Variants in PCOLCE2 observed in about 807,000 individuals in gnomAD.
The protein encoded by PCOLCE2 is procollagen C-proteinase enhancer 2.
PCOLCE2 carries 42 observed loss-of-function variants against 47.0 expected under a neutral mutation model. The ratio of observed to expected loss-of-function variants is 0.89; its 90% CI spans 0.70 to 1.16. The LOEUF is 1.16. Among genes scored for constraint, PCOLCE2 ranks in the 50% most tolerant of loss-of-function variants. PCOLCE2 has a pLI of 0.00. For synonymous variants in PCOLCE2, 169 were observed against 191.7 expected, an observed-to-expected ratio of 0.88 and a Z score of 0.98; for missense variants, 500 against 526.1, an observed-to-expected ratio of 0.95 and a Z score of 0.49.
chr3:142,855,586 C>T (rs911038457), intron 2 of PCOLCE2, among the ~76,000 whole-genome samples: 1 of 152,118 alleles, frequency 6.6e-6, no homozygotes, highest in Non-Finnish European at 1.5e-5. Flanking sequence ...TGCTCCCAAA[C>T]CTTGTTTCTT....
At chr3:142,880,106 A>G (rs1933583010) in intron 2 of PCOLCE2, among the ~76,000 whole-genome samples, 3 of 151,416 alleles carry the variant, frequency 2.0e-5, no homozygotes, top group Non-Finnish European at 4.4e-5. Flanking sequence ...TTGGATATGC[A>G]AACATTTTCT....
At chr3:142,826,416 A>G (rs1236366802) in intron 6 of PCOLCE2, among the ~76,000 whole-genome samples, 1 of 152,104 alleles carries the variant, frequency 6.6e-6, no homozygotes, top group African/African-American at 2.4e-5. Context: ...TCCTCCTCTG[A>G]GAGAGGGGTC....
At chr3:142,867,628 C>T (rs115456003) in intron 2 of PCOLCE2, among the ~76,000 whole-genome samples, 1 of 151,904 alleles carries the variant, frequency 6.6e-6, no homozygotes, top group Non-Finnish European at 1.5e-5. Flanking sequence ...ATCTTATTAG[C>T]CATCAGGGAA....
intron 3 of PCOLCE2, chr3:142,846,756 A>C (rs946314963): frequency 1.2e-4 from 19 of 152,162 alleles, no homozygotes; most frequent in Non-Finnish European, 2.6e-4. Context: ...TGAGTACAAT[A>C]GGTAAATTTT....
intron 3 of PCOLCE2, among the ~76,000 whole-genome samples, chr3:142,847,277 G>A (rs991745484): frequency 6.6e-5 from 10 of 152,062 alleles, no homozygotes; most frequent in Admixed American, 5.2e-4. Flanking sequence ...GATTTTATAC[G>A]AATATTTTGT....
intron 2 of PCOLCE2, among the ~76,000 whole-genome samples, chr3:142,874,793 G>A (rs1268549960): frequency 6.6e-6 from 1 of 152,134 alleles, no homozygotes; most frequent in Non-Finnish European, 1.5e-5. Flanking sequence ...TAGTAGGGAA[G>A]GCAGATTAAT....
intron 3 of PCOLCE2, among the ~76,000 whole-genome samples, chr3:142,843,481 G>GAT (rs1006051480): frequency 1.0e-4 from 15 of 150,260 alleles, no homozygotes; most frequent in Admixed American, 2.0e-4. Flanking sequence ...AACTTCCCAT[G>GAT]ATATATATAT....
intron 2 of PCOLCE2, among the ~76,000 whole-genome samples, chr3:142,879,709 C>T (rs1933565075): frequency 6.6e-6 from 1 of 152,316 alleles, no homozygotes; most frequent in South Asian, 2.1e-4. Flanking sequence ...GTGGCTCACG[C>T]CTATAATCCC....
chr3:142,819,332 T>C (rs1018900117), intron 8 of PCOLCE2, among the ~76,000 whole-genome samples: 4 of 152,204 alleles, frequency 2.6e-5, no homozygotes, highest in African/African-American at 9.6e-5. Context: ...TTAGTTCCCC[T>C]TTCCCCTGGT....
In PCOLCE2 at chr3:142,842,899, T is replaced by C; in HGVS notation, c.573+25A>G. On this transcript the variant is annotated intron_variant, in intron 4 of 8. Transcript: ENST00000295992. This position sits in a 1 kb window ranked among gnomAD's most constrained non-coding sequence, Gnocchi z 4.1. The stretch of plus-strand genomic sequence containing the variant: ...CTGGGCAATTCACACATGCATGCTT[T>C]CTTCACACTTCCAGGGAATCTCACC... 6.2e-7 allele frequency: 1 copy of C among 1,613,346 alleles called. No homozygotes were observed. Among genetic ancestry groups the C allele is most frequent in the Non-Finnish European group, 8.5e-7 (1 of 1,179,512 alleles).
intron 5 of PCOLCE2, among the ~76,000 whole-genome samples, chr3:142,838,012 G>A (rs539916718): frequency 4.6e-5 from 7 of 152,292 alleles, no homozygotes; most frequent in African/African-American, 1.7e-4. Flanking sequence ...TCCTTGTCTG[G>A]ATCCCCAGTA....
At chr3:142,878,727 T>C (rs543188615) in intron 2 of PCOLCE2, among the ~76,000 whole-genome samples, 1 of 152,222 alleles carries the variant, frequency 6.6e-6, no homozygotes, top group Non-Finnish European at 1.5e-5. Flanking sequence ...TGATGGTGGG[T>C]GCCTCTAGTC....
At chr3:142,820,792 T>A in intron 8 of PCOLCE2, 86 bp downstream of exon 8, 1 of 1,139,268 alleles carries the variant, frequency 8.8e-7, no homozygotes, top group Non-Finnish European at 1.3e-6. Context: ...GGGCAACATA[T>A]TAGCCCTGAT....
At chr3:142,834,843 A>C (rs1436345154) in intron 5 of PCOLCE2, among the ~76,000 whole-genome samples, 1 of 152,186 alleles carries the variant, frequency 6.6e-6, no homozygotes, top group Non-Finnish European at 1.5e-5. Context: ...TTATAAAATT[A>C]GTTGTGGAAC....
chr3:142,844,384 T>C (rs895626635), intron 3 of PCOLCE2, among the ~76,000 whole-genome samples: 8 of 152,212 alleles, frequency 5.3e-5, no homozygotes, highest in African/African-American at 1.9e-4. Context: ...TTGTACACAT[T>C]TGTTTGTACA....
intron 4 of PCOLCE2, among the ~76,000 whole-genome samples, chr3:142,841,200 A>G (rs2108193630): frequency 6.6e-6 from 1 of 152,318 alleles, no homozygotes; most frequent in Non-Finnish European, 1.5e-5. Flanking sequence ...TAATAGAAGA[A>G]AATTCCAATG....
chr3:142,838,143 C>A (rs1190828587), intron 5 of PCOLCE2, among the ~76,000 whole-genome samples: 1 of 152,148 alleles, frequency 6.6e-6, no homozygotes, highest in Non-Finnish European at 1.5e-5. Flanking sequence ...GCATCTGACC[C>A]TGGGGTATCA....
At chr3:142,846,055 C>T (rs1008006741) in intron 3 of PCOLCE2, among the ~76,000 whole-genome samples, 5 of 152,128 alleles carry the variant, frequency 3.3e-5, no homozygotes, top group African/African-American at 1.2e-4. Context: ...CACTCTTCTT[C>T]TGTATGGAAT....
chr3:142,856,647 G>A (rs1488366760), intron 2 of PCOLCE2, among the ~76,000 whole-genome samples: 1 of 152,248 alleles, frequency 6.6e-6, no homozygotes, highest in East Asian at 1.9e-4. Context: ...GCAGCAGGAT[G>A]AGGAGACAGG....
Sources: gnomAD v4.1 joint callset for allele counts (sites outside exome capture counted in the v4.1 genomes callset) on GRCh38, gnomAD v4.1.1 for gene constraint, Gnocchi (gnomAD v3.1) non-coding constraint, MANE v1.5 for transcripts, NCBI Gene and HGNC (gene_info 2026-07-23, HGNC 2026-07-21) for gene names.